BNC2: variants seen among roughly 807,000 people sequenced by gnomAD.
The protein encoded by BNC2 is zinc finger protein basonuclin-2.
In BNC2, 20 loss-of-function variants were observed where a neutral mutation model predicts 76.3. That is an observed-to-expected ratio of 0.26 (90% CI 0.18 to 0.38). BNC2 has a LOEUF of 0.38. Among genes scored for constraint, BNC2 ranks in the 10% least tolerant of loss-of-function variants. The pLI is 1.00. For missense variants in BNC2, 1,382 were observed against 1,399.8 expected (o/e 0.99, Z 0.20); for synonymous variants, 582 against 514.8 (o/e 1.13, Z -1.77).
intron 3 of BNC2, among the ~76,000 whole-genome samples, chr9:16,715,796 G>C (rs1823982118): frequency 6.6e-6 from 1 of 151,928 alleles, no homozygotes; most frequent in Admixed American, 6.6e-5. Flanking sequence ...CCTCCACATG[G>C]CCCTTTTAGA....
chr9:16,635,152 C>G (rs1821286273), intron 3 of BNC2, among the ~76,000 whole-genome samples: 1 of 152,170 alleles, frequency 6.6e-6, no homozygotes, highest in Non-Finnish European at 1.5e-5. Context: ...GGTATTTAGT[C>G]TATGAAGCCA....
intron 1 of BNC2, among the ~76,000 whole-genome samples, chr9:16,790,104 A>G (rs1249549855): frequency 6.6e-6 from 1 of 152,116 alleles, no homozygotes; most frequent in Non-Finnish European, 1.5e-5. Flanking sequence ...GGTTTATGCA[A>G]TTCTACCTCA....
intron 1 of BNC2, among the ~76,000 whole-genome samples, chr9:16,797,619 C>T (rs538867149): frequency 7.8e-4 from 118 of 152,142 alleles, no homozygotes; most frequent in South Asian, 1.5e-3. Context: ...CACACAAGTC[C>T]AAAAGCTAAA....
chr9:16,688,147 A>T (rs968772136), intron 3 of BNC2, among the ~76,000 whole-genome samples: 3 of 152,212 alleles, frequency 2.0e-5, no homozygotes, highest in Non-Finnish European at 4.4e-5. Flanking sequence ...ATGGTCTAAA[A>T]ATACACCACA....
intron 3 of BNC2, among the ~76,000 whole-genome samples, chr9:16,606,791 C>T (rs1820399266): frequency 6.6e-6 from 1 of 152,220 alleles, no homozygotes; most frequent in Non-Finnish European, 1.5e-5. Context: ...CACCTGACTT[C>T]AGGTGATCCA....
intron 5 of BNC2, among the ~76,000 whole-genome samples, chr9:16,439,085 C>G (rs1046167990): frequency 6.6e-6 from 1 of 152,150 alleles, no homozygotes; most frequent in African/African-American, 2.4e-5. Flanking sequence ...TGCGCATGCT[C>G]TTGCCTGCTT....
intron 4 of BNC2, among the ~76,000 whole-genome samples, chr9:16,557,365 GGC>G (rs1818867708): frequency 6.6e-6 from 1 of 151,970 alleles, no homozygotes; most frequent in Non-Finnish European, 1.5e-5. Context: ...CGGGCATGGT[GGC>G]ACACGCCTGT....
At chr9:16,468,788 C>A (rs186496691) in intron 5 of BNC2, among the ~76,000 whole-genome samples, 2 of 152,144 alleles carry the variant, frequency 1.3e-5, no homozygotes, top group African/African-American at 4.8e-5. Context: ...AAGTGTTATT[C>A]AAGGTGACAC....
At chr9:16,438,651 T>C (rs1048625594) in intron 5 of BNC2, among the ~76,000 whole-genome samples, 3 of 152,134 alleles carry the variant, frequency 2.0e-5, no homozygotes, top group Non-Finnish European at 4.4e-5. Context: ...CCTCTGTGAG[T>C]GACACTTGCC....
At position 16,571,529 on chromosome 9, in the gene BNC2, T is replaced by TC. The variant is rs550823781; in HGVS notation, c.433+11453dup. On this transcript the variant is annotated intron_variant, in intron 4 of 6. Coordinates refer to ENST00000380672, the MANE Select transcript of BNC2 (RefSeq NM_017637.6). ...CGTTGCTTGCTGCCTGCAGTTTTTTTCCTTTGCAAAACTTTGAACCCCATC... is the reference window on the plus strand; with the variant it reads ...CGTTGCTTGCTGCCTGCAGTTTTTTTCCCTTTGCAAAACTTTGAACCCCATC... Among the ~76,000 whole-genome samples the TC allele has an allele frequency of 7.2e-5, 11 of 152,260 alleles. No homozygotes were observed. The South Asian group carries it at 1.5e-3, about 20-fold the overall frequency.
intron 1 of BNC2, among the ~76,000 whole-genome samples, chr9:16,787,632 T>C (rs1826332530): frequency 1.3e-5 from 2 of 152,218 alleles, no homozygotes; most frequent in African/African-American, 2.4e-5. Flanking sequence ...GAGTGTATTT[T>C]TGTGGTGAAT....
At chr9:16,767,560 G>A (rs185702912) in intron 1 of BNC2, among the ~76,000 whole-genome samples, 52 of 152,262 alleles carry the variant, frequency 3.4e-4, no homozygotes, top group African/African-American at 1.1e-3. Context: ...ACAGAGTTGA[G>A]GGAGATTAGA....
At chr9:16,515,817 G>GAT (rs138825005) in intron 5 of BNC2, among the ~76,000 whole-genome samples, 10,798 of 144,246 alleles carry the variant, frequency 0.075, 585 homozygotes, top group East Asian at 0.31. Flanking sequence ...CTAAAAAAAA[G>GAT]ATATATATAT....
intron 1 of BNC2, among the ~76,000 whole-genome samples, chr9:16,810,824 G>A (rs1196830956): frequency 1.3e-5 from 2 of 152,182 alleles, no homozygotes; most frequent in Non-Finnish European, 2.9e-5. Flanking sequence ...AGACCCTCCA[G>A]TTGCTAGATC....
intron 4 of BNC2, among the ~76,000 whole-genome samples, chr9:16,564,147 C>T (rs1398817280): frequency 4.6e-5 from 7 of 152,218 alleles, no homozygotes; most frequent in Middle Eastern, 3.4e-3. Flanking sequence ...AAAAGATGCT[C>T]GTTGTCTTCC....
intron 3 of BNC2, among the ~76,000 whole-genome samples, chr9:16,714,799 T>A (rs1823950310): frequency 6.6e-6 from 1 of 152,216 alleles, no homozygotes; most frequent in South Asian, 2.1e-4. Context: ...CAATTTGAAA[T>A]TCAAACCAAT....
chr9:16,442,782 A>G (rs1821153915), intron 5 of BNC2, among the ~76,000 whole-genome samples: 1 of 152,176 alleles, frequency 6.6e-6, no homozygotes, highest in South Asian at 2.1e-4. Flanking sequence ...GCACGGATCT[A>G]AGGCCTATGT....
intron 3 of BNC2, among the ~76,000 whole-genome samples, chr9:16,690,629 G>T (rs1413744238): frequency 6.6e-6 from 1 of 152,188 alleles, no homozygotes. Flanking sequence ...ATAAGGCAGA[G>T]TTGTATCAAT....
intron 5 of BNC2, among the ~76,000 whole-genome samples, chr9:16,506,509 TC>T (rs1822628252): frequency 3.2e-5 from 3 of 94,892 alleles, no homozygotes; most frequent in South Asian, 5.0e-4. Context: ...TCTCTCTCTC[TC>T]CTCTTTTTTT....
Sources: allele counts gnomAD v4.1 joint callset (sites outside exome capture counted in the v4.1 genomes callset), GRCh38; gene constraint gnomAD v4.1.1; transcripts MANE v1.5; gene names NCBI Gene and HGNC (gene_info 2026-07-23, HGNC 2026-07-21).